GABRG3: variants seen among roughly 807,000 people sequenced by gnomAD.
The protein encoded by GABRG3 is gamma-aminobutyric acid receptor subunit gamma-3.
GABRG3 carries 25 observed loss-of-function variants against 48.8 expected under a neutral mutation model. That is an observed-to-expected ratio of 0.51 (90% CI 0.37 to 0.72). GABRG3 has a LOEUF of 0.72. GABRG3 is among the 30% of genes least tolerant of loss of function. GABRG3 has a pLI of 0.00. For missense variants in GABRG3, 394 were observed against 577.9 expected, an observed-to-expected ratio of 0.68 and a Z score of 3.26; for synonymous variants, 227 against 217.6, an observed-to-expected ratio of 1.04 and a Z score of -0.38.
At chr15:27,361,165 C>G (rs1414605295) in intron 5 of GABRG3, among the ~76,000 whole-genome samples, 1 of 152,186 alleles carries the variant, frequency 6.6e-6, no homozygotes, top group East Asian at 1.9e-4. Context: ...GAGCAGGGTA[C>G]TTCTTAGTGA....
intron 5 of GABRG3, among the ~76,000 whole-genome samples, chr15:27,370,263 C>G (rs2140555307): frequency 6.6e-6 from 1 of 152,290 alleles, no homozygotes; most frequent in Middle Eastern, 3.4e-3. Context: ...TTGAGCTAGG[C>G]ATTTAGCAGA....
chr15:27,157,128 T>TA (rs1743347035), intron 3 of GABRG3, among the ~76,000 whole-genome samples: 1 of 152,242 alleles, frequency 6.6e-6, no homozygotes, highest in Admixed American at 6.5e-5. Flanking sequence ...TATTGCACTA[T>TA]AAAAAATGAA....
chr15:27,359,668 C>T (rs140157962), intron 5 of GABRG3, among the ~76,000 whole-genome samples: 184 of 152,310 alleles, frequency 1.2e-3, no homozygotes, highest in African/African-American at 4.1e-3. Context: ...ACTCAGTGTA[C>T]GCATTCCCAT....
At chr15:27,203,117 G>A (rs1391040831) in intron 3 of GABRG3, among the ~76,000 whole-genome samples, 1 of 152,120 alleles carries the variant, frequency 6.6e-6, no homozygotes, top group Non-Finnish European at 1.5e-5. Flanking sequence ...GCATGTTACA[G>A]GGATTTGGTG....
At chr15:26,978,358 TA>T (rs1168337822) in intron 2 of GABRG3, among the ~76,000 whole-genome samples, 18 of 152,296 alleles carry the variant, frequency 1.2e-4, no homozygotes, top group Admixed American at 1.1e-3. Flanking sequence ...ATTTTTTTTT[TA>T]TGGAGCATGC....
intron 3 of GABRG3, among the ~76,000 whole-genome samples, chr15:27,183,502 A>G (rs1566957390): frequency 6.6e-6 from 1 of 152,352 alleles, no homozygotes; most frequent in East Asian, 1.9e-4. Flanking sequence ...TAACAAAAGT[A>G]TTATTGTGAA....
intron 3 of GABRG3, among the ~76,000 whole-genome samples, chr15:27,288,179 A>C (rs1891679444): frequency 6.6e-6 from 1 of 152,128 alleles, no homozygotes; most frequent in Admixed American, 6.5e-5. Flanking sequence ...ATGTTACATC[A>C]GTGGTCTTCA....
intron 3 of GABRG3, among the ~76,000 whole-genome samples, chr15:27,164,086 A>G (rs1288673213): frequency 6.6e-6 from 1 of 152,190 alleles, no homozygotes; most frequent in African/African-American, 2.4e-5. Context: ...AACATTCCAA[A>G]ATTGTTTTCC....
At chr15:27,469,077 C>CT (rs746791834) in intron 5 of GABRG3, among the ~76,000 whole-genome samples, 3 of 152,188 alleles carry the variant, frequency 2.0e-5, no homozygotes, top group Non-Finnish European at 4.4e-5. Context: ...CCAGCATCCA[C>CT]TAAGGGTATT....
At chr15:27,464,042 C>G (rs1007794758) in intron 5 of GABRG3, among the ~76,000 whole-genome samples, 1 of 152,130 alleles carries the variant, frequency 6.6e-6, no homozygotes, top group Non-Finnish European at 1.5e-5. Context: ...GGAGCACCAG[C>G]ACTCCGCATT....
chr15:27,119,305 T>C (rs1006778404), intron 3 of GABRG3, among the ~76,000 whole-genome samples: 4 of 152,246 alleles, frequency 2.6e-5, no homozygotes, highest in African/African-American at 9.6e-5. Context: ...CAGTGTAACA[T>C]AAATCTTATA....
chr15:27,361,674 G>A (rs1895028519), intron 5 of GABRG3, among the ~76,000 whole-genome samples: 1 of 152,152 alleles, frequency 6.6e-6, no homozygotes, highest in African/African-American at 2.4e-5. Flanking sequence ...ATGAGGGTGG[G>A]TGGTCAACAG....
intron 3 of GABRG3, among the ~76,000 whole-genome samples, chr15:27,253,155 G>A (rs1192478113): frequency 6.6e-6 from 1 of 152,226 alleles, no homozygotes. Flanking sequence ...CTGCTGGAGT[G>A]TGTGTCTGTC....
intron 3 of GABRG3, among the ~76,000 whole-genome samples, chr15:27,188,785 C>G (rs1317574108): frequency 7.9e-5 from 12 of 152,134 alleles, no homozygotes; most frequent in South Asian, 2.1e-4. Context: ...TGGTGTTTTA[C>G]ACATGAAGTC....
At chr15:27,410,762 G>T (rs1887770296) in intron 5 of GABRG3, among the ~76,000 whole-genome samples, 1 of 151,696 alleles carries the variant, frequency 6.6e-6, no homozygotes, top group Admixed American at 6.6e-5. Context: ...GCTGACTGTG[G>T]AATTCTTGGT....
chr15:27,293,178 C>G (rs1891850846), intron 3 of GABRG3, among the ~76,000 whole-genome samples: 1 of 151,722 alleles, frequency 6.6e-6, no homozygotes, highest in South Asian at 2.1e-4. Flanking sequence ...TTGTTTCTAC[C>G]AAAGATGATG....
chr15:27,504,445 T>G (rs985354897), intron 6 of GABRG3, among the ~76,000 whole-genome samples: 6 of 152,186 alleles, frequency 3.9e-5, no homozygotes, highest in African/African-American at 1.4e-4. Flanking sequence ...CAGGGTACCC[T>G]TAAATATTTT....
At chr15:27,260,809 G>A (rs931136088) in intron 3 of GABRG3, among the ~76,000 whole-genome samples, 2 of 152,208 alleles carry the variant, frequency 1.3e-5, no homozygotes, top group Admixed American at 1.3e-4. Context: ...GGCCCCAGGT[G>A]TTGCTGGGTG....
At chr15:27,502,703 G>A (rs1238043671) in intron 6 of GABRG3, among the ~76,000 whole-genome samples, 1 of 152,126 alleles carries the variant, frequency 6.6e-6, no homozygotes, top group Non-Finnish European at 1.5e-5. Context: ...CCCCTCTTTG[G>A]GTTTGATCAA....
Sources: allele counts gnomAD v4.1 joint callset (sites outside exome capture counted in the v4.1 genomes callset), GRCh38; gene constraint gnomAD v4.1.1; transcripts MANE v1.5; gene names NCBI Gene and HGNC (gene_info 2026-07-23, HGNC 2026-07-21).